ZYG11B: variants seen among roughly 807,000 people sequenced by gnomAD.
ZYG11B encodes zyg-11 family member B, cell cycle regulator.
A neutral mutation model predicts 82.4 loss-of-function variants in ZYG11B; 36 were observed. That is an observed-to-expected ratio of 0.44 (90% CI 0.33 to 0.58). The LOEUF (loss-of-function observed/expected upper bound fraction) is 0.58, where lower values mean the gene tolerates loss of function less well. ZYG11B is among the 20% of genes least tolerant of loss of function. The pLI, the probability that ZYG11B is intolerant of heterozygous loss-of-function variation, is 0.02. For synonymous variants in ZYG11B, 303 were observed against 312.8 expected, an observed-to-expected ratio of 0.97 and a Z score of 0.33; for missense variants, 552 against 895.6, an observed-to-expected ratio of 0.62 and a Z score of 4.90.
intron 2 of ZYG11B, among the ~76,000 whole-genome samples, chr1:52,769,147 C>G (rs1052592104): frequency 2.6e-5 from 4 of 152,090 alleles, no homozygotes; most frequent in South Asian, 4.1e-4. Context: ...TTCTTTGTAT[C>G]TACAACATTT....
At chr1:52,805,377 C>T (rs1645133697) in intron 10 of ZYG11B, 1 of 432,402 alleles carries the variant, frequency 2.3e-6, no homozygotes, top group African/African-American at 2.0e-5. Flanking sequence ...GTTGTTGTAG[C>T]CTTCATTATA....
At chr1:52,767,145 G>A (rs1170144369) in intron 2 of ZYG11B, among the ~76,000 whole-genome samples, 1 of 144,372 alleles carries the variant, frequency 6.9e-6, no homozygotes, top group Admixed American at 7.1e-5. Flanking sequence ...ATTTTATGTT[G>A]TTTTGTTATT....
At chr1:52,805,063 C>T (rs990519392) in intron 10 of ZYG11B, 3 of 152,320 alleles carry the variant, frequency 2.0e-5, no homozygotes, top group African/African-American at 7.6e-5. Flanking sequence ...TGCACTCCAG[C>T]CTGGGCAACA....
At chr1:52,809,101 T>A (rs1645163787) in intron 10 of ZYG11B, among the ~76,000 whole-genome samples, 1 of 152,242 alleles carries the variant, frequency 6.6e-6, no homozygotes, top group African/African-American at 2.4e-5. Context: ...TGAATTATGT[T>A]TTCCTGATAC....
chr1:52,736,925 A>C (rs931492089), intron 1 of ZYG11B, among the ~76,000 whole-genome samples: 2 of 151,714 alleles, frequency 1.3e-5, no homozygotes, highest in Non-Finnish European at 2.9e-5. Context: ...GACCTTTATG[A>C]TCTGATCTTT....
chr1:52,758,198 C>CAAA (rs11325463), intron 2 of ZYG11B, among the ~76,000 whole-genome samples: 2 of 66,468 alleles, frequency 3.0e-5, no homozygotes, highest in Non-Finnish European at 7.3e-5. Context: ...GACTCTGTCT[C>CAAA]AAAAAAAAAA....
intron 1 of ZYG11B, among the ~76,000 whole-genome samples, chr1:52,742,453 A>G (rs1644437932): frequency 6.6e-6 from 1 of 151,236 alleles, no homozygotes; most frequent in African/African-American, 2.4e-5. Flanking sequence ...CCCTGTCTCT[A>G]AAAAAAATAA....
chr1:52,760,467 A>C (rs1304550260), intron 2 of ZYG11B, among the ~76,000 whole-genome samples: 10 of 148,732 alleles, frequency 6.7e-5, no homozygotes, highest in Non-Finnish European at 1.2e-4. Context: ...ACAACAACAA[A>C]AACAAAAAAC....
At position 52,814,076 on chromosome 1, in the gene ZYG11B, C is replaced by T. The variant is rs572176883; in HGVS notation, c.1946+164C>T. On this transcript the variant is annotated intron_variant, in intron 12 of 13. Transcript: ENST00000294353. ...TCACTCCGTCGCCATGGCTGGAGTG[C>T]AGTGCATGATCTTGGCTCACTGCAA... is the stretch of plus-strand genomic sequence containing the variant. Among the ~76,000 whole-genome samples the T allele has an allele frequency of 3.9e-5, 6 of 152,134 alleles. No homozygotes were observed. In the South Asian group the frequency reaches 6.2e-4, roughly 16 times the overall value.
intron 10 of ZYG11B, among the ~76,000 whole-genome samples, chr1:52,807,320 G>A (rs571102014): frequency 1.3e-5 from 2 of 151,982 alleles, no homozygotes; most frequent in African/African-American, 4.8e-5. Context: ...GTTGTGATGT[G>A]TTTAATCACT....
chr1:52,786,109 TAAA>T lies in ZYG11B; in HGVS notation c.1269+1060_1269+1062del, dbSNP rs1644909831. Among the ~76,000 whole-genome samples, 4 of 152,250 alleles carry T rather than the reference TAAA, an allele frequency of 2.6e-5. No homozygotes were observed. In the East Asian group the frequency reaches 5.8e-4, roughly 22 times the overall value. ...AAGATGAAAGTAAAAATTAATAAAATAAAAAACATACCATTATTTTAGAGAGGA... is the reference window on the plus strand; with the variant it reads ...AAGATGAAAGTAAAAATTAATAAAATAAACATACCATTATTTTAGAGAGGA... On this transcript the variant is annotated intron_variant, in intron 5 of 13. Transcript: ENST00000294353.
At chr1:52,817,055 G>A (rs1201658498) in intron 13 of ZYG11B, among the ~76,000 whole-genome samples, 1 of 151,950 alleles carries the variant, frequency 6.6e-6, no homozygotes, top group African/African-American at 2.4e-5. Flanking sequence ...GCCCGCCTAA[G>A]CCTCCCAAAG....
Position 52,790,384 on chromosome 1 carries a change from A to G in ZYG11B, c.1334+317A>G, listed in dbSNP as rs114965215. On this transcript the variant is annotated intron_variant, in intron 6 of 13. Coordinates refer to ENST00000294353, the MANE Select transcript of ZYG11B (RefSeq NM_024646.3). Reference sequence around the variant, plus strand: ...AAGATAAAAAAACTAAGGCATATATAGAGATTCATTGTCTTGACTATGGCT... The same window carrying G: ...AAGATAAAAAAACTAAGGCATATATGGAGATTCATTGTCTTGACTATGGCT... 7.6e-3 allele frequency among the ~76,000 whole-genome samples: 1,154 copies of G among 152,268 alleles called. 19 individuals are homozygous for G. The highest frequency in any genetic ancestry group is 0.026 in the African/African-American group (1,096 of 41,536).
rs10643364 is a variant in ZYG11B at position 52,738,985 on chromosome 1, C to CTTTTTTTT, written c.30+12308_30+12315dup. ...ATTTTCATTTCATAGGCCCTGTAAC[C>CTTTTTTTT]TTTTTTTTTTTTTGGAGACAGAGTC... On this transcript the variant is annotated intron_variant, in intron 1 of 13. Transcript: ENST00000294353. 1.8e-3 allele frequency among the ~76,000 whole-genome samples: 190 copies of CTTTTTTTT among 106,272 alleles called. 16 individuals carry two copies. Among genetic ancestry groups the CTTTTTTTT allele is most frequent in the African/African-American group, 5.6e-3 (142 of 25,188 alleles). The allele number at this position is 106,272 out of a possible 152,430, so 69.7% of individuals were successfully genotyped here.
At chr1:52,774,039 T>C (rs1323940470) in intron 3 of ZYG11B, among the ~76,000 whole-genome samples, 2 of 151,968 alleles carry the variant, frequency 1.3e-5, no homozygotes, top group Non-Finnish European at 2.9e-5. Context: ...GTGCAAAGAC[T>C]GCGTTAGGAA....
chr1:52,802,343 T>C (rs1032086029), intron 10 of ZYG11B, among the ~76,000 whole-genome samples: 17 of 101,284 alleles, frequency 1.7e-4, no homozygotes, highest in East Asian at 1.4e-3. Flanking sequence ...TTTCTCTCTT[T>C]TTTTTTTTTT....
Position 52,771,433 on chromosome 1 carries a change from C to G in ZYG11B, c.610C>G (p.Leu204Val). 1.2e-6 allele frequency: 2 copies of G among 1,614,012 alleles called. No homozygotes were observed. Among genetic ancestry groups the G allele is most frequent in the South Asian group, 1.1e-5 (1 of 91,088 alleles). Residue 204 changes from leucine to valine, a missense_variant, in exon 3 of 14, where the codon CTA becomes GTA. Leu to Val is a conservative substitution (Grantham distance 32, BLOSUM62 1). Around this residue, in one of 3 missense-constraint regions of ZYG11B, gnomAD observed 359 missense variants for 555.8 expected, o/e 0.65. Coordinates refer to ENST00000294353, the MANE Select transcript of ZYG11B (RefSeq NM_024646.3). The surrounding 1 kb of genome is among the most constrained non-coding windows in gnomAD (Gnocchi z 5.4). ...CACCTCAATCACAGACATCACTGCT[C>G]TACTGGCCTGCAAAGACCGACTCAA... ...SNTSITDITA[L>V]LACKDRLKSL...
At chr1:52,739,673 G>A (rs1644408624) in intron 1 of ZYG11B, among the ~76,000 whole-genome samples, 1 of 151,954 alleles carries the variant, frequency 6.6e-6, no homozygotes, top group Non-Finnish European at 1.5e-5. Flanking sequence ...TCTGGCTGGA[G>A]TGCAGTAGCA....
chr1:52,740,856 C>T (rs1363357412), intron 1 of ZYG11B, among the ~76,000 whole-genome samples: 4 of 149,410 alleles, frequency 2.7e-5, no homozygotes, highest in Admixed American at 6.7e-5. Flanking sequence ...TGAGCCACTG[C>T]GCCCTGCTGG....
Sources: gnomAD v4.1 joint callset for allele counts (sites outside exome capture counted in the v4.1 genomes callset) on GRCh38, gnomAD v4.1.1 for gene constraint, gnomAD v4.1.1 regional missense constraint, Gnocchi (gnomAD v3.1) non-coding constraint, MANE v1.5 for transcripts, NCBI Gene and HGNC (gene_info 2026-07-23, HGNC 2026-07-21) for gene names.